The following CAMTA1 variants were observed in gnomAD, a reference collection of about 807,000 sequenced individuals.
The protein encoded by CAMTA1 is calmodulin binding transcription activator 1.
CAMTA1 carries 27 observed loss-of-function variants against 170.9 expected under a neutral mutation model. The observed-to-expected ratio is 0.16, with a 90% CI of 0.12 to 0.22. The LOEUF (loss-of-function observed/expected upper bound fraction) is 0.22. CAMTA1 is among the 10% of genes least tolerant of loss of function. The probability of loss-of-function intolerance (pLI) is 1.00; values close to 1 mark genes in which losing one functional copy is unlikely to be tolerated. For missense variants in CAMTA1, 1,619 were observed against 2,217.2 expected (o/e 0.73, Z 5.42); for synonymous variants, 833 against 891.5 (o/e 0.93, Z 1.17).
intron 3 of CAMTA1, among the ~76,000 whole-genome samples, chr1:6,976,948 A>G (rs1557914022): frequency 6.6e-6 from 1 of 152,202 alleles, no homozygotes. Context: ...TCCCCTGCAC[A>G]TGATTTCTTG....
intron 6 of CAMTA1, among the ~76,000 whole-genome samples, chr1:7,595,309 G>A (rs911331758): frequency 3.9e-5 from 6 of 152,204 alleles, no homozygotes; most frequent in African/African-American, 7.2e-5. Flanking sequence ...AATTTTCATC[G>A]TATTTTTGGC....
intron 6 of CAMTA1, among the ~76,000 whole-genome samples, chr1:7,508,563 C>T (rs147633546): frequency 1.3e-5 from 2 of 152,298 alleles, no homozygotes; most frequent in Non-Finnish European, 2.9e-5. Context: ...TCTGAGTCAC[C>T]TCTGTGCCCC....
chr1:7,048,716 A>C (rs1029836806), intron 3 of CAMTA1, among the ~76,000 whole-genome samples: 1 of 152,178 alleles, frequency 6.6e-6, no homozygotes, highest in Non-Finnish European at 1.5e-5. Flanking sequence ...TTGAGTCCGA[A>C]GTGAGCGGCT....
At chr1:7,140,832 A>G (rs1401700944) in intron 4 of CAMTA1, among the ~76,000 whole-genome samples, 2 of 152,152 alleles carry the variant, frequency 1.3e-5, no homozygotes, top group African/African-American at 4.8e-5. Context: ...ATGGTTTTCA[A>G]GTACATCAGA....
chr1:7,553,862 C>A (rs918096868), intron 6 of CAMTA1, among the ~76,000 whole-genome samples: 1 of 152,206 alleles, frequency 6.6e-6, no homozygotes, highest in African/African-American at 2.4e-5. Context: ...GATGCAGGGG[C>A]GTGAAATCAG....
chr1:6,856,403 G>A, intron 3 of CAMTA1, among the ~76,000 whole-genome samples: 1 of 143,018 alleles, frequency 7.0e-6, no homozygotes, highest in East Asian at 2.2e-4. Flanking sequence ...TCCAGACAAT[G>A]TGTTTGTTAC....
At chr1:7,619,705 A>G (rs960503998) in intron 6 of CAMTA1, among the ~76,000 whole-genome samples, 1 of 151,008 alleles carries the variant, frequency 6.6e-6, no homozygotes, top group Non-Finnish European at 1.5e-5. Context: ...GCTGGAGTGC[A>G]GTGGCATGAT....
At chr1:7,021,903 T>C (rs1701405178) in intron 3 of CAMTA1, among the ~76,000 whole-genome samples, 2 of 152,266 alleles carry the variant, frequency 1.3e-5, no homozygotes, top group South Asian at 2.1e-4. Context: ...TTATTAACAG[T>C]GCAACAGCCA....
chr1:7,701,772 A>T (rs1001849065), intron 11 of CAMTA1, among the ~76,000 whole-genome samples: 1 of 152,022 alleles, frequency 6.6e-6, no homozygotes, highest in Non-Finnish European at 1.5e-5. Context: ...CTGCCAATGG[A>T]CTCATAACTG....
At chr1:7,099,667 A>G (rs915721385) in intron 4 of CAMTA1, among the ~76,000 whole-genome samples, 3 of 151,928 alleles carry the variant, frequency 2.0e-5, no homozygotes, top group African/African-American at 7.3e-5. Context: ...TAATGGAGGG[A>G]GCCAGCTTTC....
intron 2 of CAMTA1, among the ~76,000 whole-genome samples, chr1:6,823,145 T>C (rs1318892568): frequency 1.3e-5 from 2 of 152,114 alleles, no homozygotes; most frequent in Admixed American, 6.6e-5. Context: ...ATTGTACATA[T>C]CATGGGGGAT....
chr1:7,752,142 CT>C (rs1227214187), intron 20 of CAMTA1, among the ~76,000 whole-genome samples: 1 of 152,170 alleles, frequency 6.6e-6, no homozygotes, highest in Non-Finnish European at 1.5e-5. Flanking sequence ...GCCAGAATGC[CT>C]TTTGTGGCAA....
Position 7,663,349 on chromosome 1 carries a change from G to A in CAMTA1, c.806-4G>A, listed in dbSNP as rs777633367. 9.2e-6 allele frequency: 14 copies of A among 1,524,984 alleles called. No individual in the cohort carries two copies. Among genetic ancestry groups the A allele is most frequent in the African/African-American group, 2.8e-5 (2 of 72,340 alleles). The allele number at this position is 1,524,984 out of a possible 1,614,324, so 94.5% of individuals were successfully genotyped here. ...GTGCGCGTGTTGTGTTCCGATCTCC[G>A]CAGGAGCTGGCGGCAGCGTGCATCA... On this transcript the variant is annotated splice_region_variant and splice_polypyrimidine_tract_variant and intron_variant, in intron 8 of 22. Coordinates refer to ENST00000303635, the MANE Select transcript of CAMTA1 (RefSeq NM_015215.4).
At chr1:7,406,660 G>A (rs1313044656) in intron 5 of CAMTA1, among the ~76,000 whole-genome samples, 2 of 151,904 alleles carry the variant, frequency 1.3e-5, no homozygotes, top group Non-Finnish European at 2.9e-5. Flanking sequence ...GCACACACAT[G>A]CACACAGAGA....
chr1:7,699,296 C>T (rs749339302), intron 11 of CAMTA1, among the ~76,000 whole-genome samples: 1 of 152,138 alleles, frequency 6.6e-6, no homozygotes, highest in Non-Finnish European at 1.5e-5. Context: ...AGCTCCCCCC[C>T]ACCACCCTCC....
rs2095363691 is a variant in CAMTA1 at position 7,592,612 on chromosome 1, G to T, written c.511-47788G>T. ...CTGCTGTCCTGCAAGCCACCTACCA[G>T]TGCGGAATGAGTGGGGAGTGTCCAG... On this transcript the variant is annotated intron_variant, in intron 6 of 22. Transcript: ENST00000303635. This position sits in a 1 kb window ranked among gnomAD's most constrained non-coding sequence, Gnocchi z 4.6. Among the ~76,000 whole-genome samples the T allele has an allele frequency of 6.6e-6, 1 of 152,176 alleles. No individual in the cohort carries two copies. Among genetic ancestry groups the T allele is most frequent in the African/African-American group, 2.4e-5 (1 of 41,444 alleles).
At chr1:6,848,900 T>G (rs761653013) in intron 3 of CAMTA1, among the ~76,000 whole-genome samples, 18 of 152,158 alleles carry the variant, frequency 1.2e-4, no homozygotes, top group Non-Finnish European at 2.1e-4. Flanking sequence ...AAAGAACTAT[T>G]TGGAAAGATA....
intron 3 of CAMTA1, among the ~76,000 whole-genome samples, chr1:6,852,621 G>A (rs1167050726): frequency 1.4e-4 from 21 of 152,234 alleles, no homozygotes; most frequent in South Asian, 8.3e-4. Context: ...AGCTAAAAGA[G>A]AGATGCATAG....
intron 4 of CAMTA1, among the ~76,000 whole-genome samples, chr1:7,107,278 A>ATGTGTGTGTGTGTGTGTGCATGTG (rs1643690043): frequency 7.0e-6 from 1 of 142,332 alleles, no homozygotes; most frequent in Admixed American, 6.9e-5. Context: ...GTGTGTGTGC[A>ATGTGTGTGTGTGTGTGTGCATGTG]TGTGTGTGTG....
Sources: gnomAD v4.1 joint callset for allele counts (sites outside exome capture counted in the v4.1 genomes callset) on GRCh38, gnomAD v4.1.1 for gene constraint, Gnocchi (gnomAD v3.1) non-coding constraint, MANE v1.5 for transcripts, NCBI Gene and HGNC (gene_info 2026-07-23, HGNC 2026-07-21) for gene names.